The following GALNT9 variants were observed in gnomAD, a reference collection of about 807,000 sequenced individuals.
The protein encoded by GALNT9 is polypeptide N-acetylgalactosaminyltransferase 9.
In GALNT9, 47 loss-of-function variants were observed where a neutral mutation model predicts 63.1. That is an observed-to-expected ratio of 0.75 (90% CI 0.59 to 0.95). GALNT9 has a LOEUF of 0.95. Ranked by LOEUF, GALNT9 falls within the 40% of genes least tolerant of loss-of-function variation. GALNT9 has a pLI of 0.00. For synonymous variants in GALNT9, 396 were observed against 365.7 expected (o/e 1.08, Z -0.94); for missense variants, 829 against 874.8 (o/e 0.95, Z 0.66).
intron 2 of GALNT9, among the ~76,000 whole-genome samples, chr12:132,266,808 G>A (rs1879615920): frequency 6.6e-6 from 1 of 152,230 alleles, no homozygotes; most frequent in Non-Finnish European, 1.5e-5. Flanking sequence ...CCAGCACAGC[G>A]TTGGCTGCTC....
intron 1 of GALNT9, among the ~76,000 whole-genome samples, chr12:132,291,785 C>G (rs562379277): frequency 9.8e-5 from 15 of 152,366 alleles, no homozygotes; most frequent in Admixed American, 4.6e-4. Context: ...TTTCCTCCCC[C>G]CTGCTTCCCC....
chr12:132,201,954 G>A (rs1419037392), intron 7 of GALNT9, among the ~76,000 whole-genome samples: 1 of 152,178 alleles, frequency 6.6e-6, no homozygotes, highest in Non-Finnish European at 1.5e-5. Context: ...CCCTGAGGGA[G>A]CACCTGCACC....
chr12:132,240,603 C>A (rs140122185), intron 6 of GALNT9: 5 of 455,216 alleles, frequency 1.1e-5, no homozygotes, highest in Admixed American at 2.4e-5. Flanking sequence ...GGGCTCCGTG[C>A]GTGGCCCCGG....
intron 6 of GALNT9, chr12:132,240,838 TAC>T (rs1253278148): frequency 4.0e-5 from 16 of 398,740 alleles, no homozygotes; most frequent in African/African-American, 3.0e-4. Flanking sequence ...CTATACCCAT[TAC>T]ACACACACCA....
intron 1 of GALNT9, among the ~76,000 whole-genome samples, chr12:132,295,896 CG>C (rs1566016610): frequency 2.4e-4 from 29 of 118,640 alleles, no homozygotes; most frequent in African/African-American, 9.8e-4. Context: ...GGAGAGCCTC[CG>C]AACAGGGAGA....
chr12:132,253,572 A>G (rs1385129726), intron 5 of GALNT9, among the ~76,000 whole-genome samples: 3 of 152,302 alleles, frequency 2.0e-5, no homozygotes, highest in Non-Finnish European at 4.4e-5. Flanking sequence ...AATGATTAAT[A>G]ATGTTTATAA....
rs1391524224 is a variant in GALNT9, at chr12:132,236,261, C to A, written c.1077+11649G>T. ...AATCAGCAATGACAGCCCCGACAGG[C>A]GGCTGGCGGGGAGCGGGTGGGGGCC... On this transcript the variant is annotated intron_variant, in intron 6 of 10. Coordinates refer to ENST00000328957, the MANE Select transcript of GALNT9 (RefSeq NM_001122636.2). The surrounding 1 kb of genome is among the most constrained non-coding windows in gnomAD (Gnocchi z 5.6). Among the ~76,000 whole-genome samples, 1 of 151,976 alleles carries A rather than the reference C, an allele frequency of 6.6e-6. No individual in the cohort carries two copies. The highest frequency in any genetic ancestry group is 6.5e-5 in the Admixed American group (1 of 15,280).
chr12:132,203,049 G>A lies in GALNT9; in HGVS notation c.1263+456C>T, dbSNP rs75289579. On this transcript the variant is annotated intron_variant, in intron 7 of 10. Coordinates refer to ENST00000328957, the MANE Select transcript of GALNT9 (RefSeq NM_001122636.2). ...GTGGGGGTGACCTGGAAAAGGTGGCGCTGAGGACGGGAAGCCACACAGCGT... is the reference window on the plus strand; with the variant it reads ...GTGGGGGTGACCTGGAAAAGGTGGCACTGAGGACGGGAAGCCACACAGCGT... Among the ~76,000 whole-genome samples the A allele has an allele frequency of 1.2e-4, 18 of 152,216 alleles. No individual in the cohort carries two copies. The East Asian group carries it at 2.5e-3, about 21-fold the overall frequency.
At chr12:132,261,445 G>T (rs1008828428) in intron 3 of GALNT9, among the ~76,000 whole-genome samples, 5 of 152,232 alleles carry the variant, frequency 3.3e-5, no homozygotes, top group South Asian at 2.1e-4. Flanking sequence ...ATGCATGGAT[G>T]GGTGGACACA....
chr12:132,239,199 C>CAGAG (rs55901393), intron 6 of GALNT9, among the ~76,000 whole-genome samples: 9 of 148,916 alleles, frequency 6.0e-5, no homozygotes, highest in African/African-American at 2.0e-4. Flanking sequence ...GGGGGACAGG[C>CAGAG]AGAGAGAGAG....
Position 132,262,550 on chromosome 12 carries a change from C to T in GALNT9, c.495G>A (p.Ser165=), listed in dbSNP as rs372597873. Reference sequence around the variant, plus strand: ...CGCTGTGCACGGAGCGCAGGATGACCGACAGCGCCTCATTGACGAAGATGA... The same window carrying T: ...CGCTGTGCACGGAGCGCAGGATGACTGACAGCGCCTCATTGACGAAGATGA... ...VVFIFVNEAL[S]VILRSVHSVV... Residue 165 remains serine (S), a synonymous_variant, in exon 3 of 11, where the codon TCG becomes TCA. Transcript: ENST00000328957. The T allele has an allele frequency of 2.3e-5, 35 of 1,551,348 alleles. No homozygotes were observed. Among genetic ancestry groups the T allele is most frequent in the South Asian group, 3.6e-5 (3 of 84,066 alleles).
At chr12:132,224,662 T>TG (rs1877576177) in intron 6 of GALNT9, among the ~76,000 whole-genome samples, 1 of 65,258 alleles carries the variant, frequency 1.5e-5, no homozygotes, top group Non-Finnish European at 2.8e-5. Flanking sequence ...CACCCCACAC[T>TG]GTACCTATAC....
chr12:132,251,906 C>T (rs1390638160), intron 5 of GALNT9, among the ~76,000 whole-genome samples: 1 of 152,170 alleles, frequency 6.6e-6, no homozygotes, highest in Non-Finnish European at 1.5e-5. Flanking sequence ...TCCGAAGTCA[C>T]ACTTGAACCA....
At chr12:132,253,698 G>T (rs28560170) in intron 5 of GALNT9, among the ~76,000 whole-genome samples, 7,573 of 152,088 alleles carry the variant, frequency 0.05, 602 homozygotes, top group African/African-American at 0.17. Flanking sequence ...TCTTGCCTCG[G>T]CACCTAGGTA....
In GALNT9 at chr12:132,245,934, G is replaced by A. The variant is rs982980400; in HGVS notation, c.1077+1976C>T. 6.6e-6 allele frequency among the ~76,000 whole-genome samples: 1 copy of A among 152,158 alleles called. No homozygotes were observed. The highest frequency in any genetic ancestry group is 1.5e-5 in the Non-Finnish European group (1 of 68,020). ...CACCCCAGGGGTCCCGTCCTCCCTC[G>A]CTCTTCGGCCTCGGTGGTGGCTGCG... On this transcript the variant is annotated intron_variant, in intron 6 of 10. Coordinates refer to ENST00000328957, the MANE Select transcript of GALNT9 (RefSeq NM_001122636.2). The surrounding 1 kb of genome is among the most constrained non-coding windows in gnomAD (Gnocchi z 6.3).
Position 132,245,044 on chromosome 12 carries a change from C to T in GALNT9, c.1077+2866G>A, listed in dbSNP as rs1278786735. 6.6e-6 allele frequency among the ~76,000 whole-genome samples: 1 copy of T among 151,906 alleles called. No individual in the cohort carries two copies. The highest frequency in any genetic ancestry group is 1.5e-5 in the Non-Finnish European group (1 of 67,924). ...GGGAGGTCAGGGAGTGGAGTAAACG[C>T]TGGGCGCGGCCACAGCTGTGCCTTG... On this transcript the variant is annotated intron_variant, in intron 6 of 10. Transcript: ENST00000328957. The surrounding 1 kb of genome is among the most constrained non-coding windows in gnomAD (Gnocchi z 6.3).
At chr12:132,203,428 C>G in intron 7 of GALNT9, 77 bp downstream of exon 7, 27 of 1,438,464 alleles carry the variant, frequency 1.9e-5, no homozygotes, top group Non-Finnish European at 2.5e-5. Context: ...AGGGGGCCTC[C>G]CTCCGGCCCA....
chr12:132,300,103 T>C (rs1186111167), intron 1 of GALNT9, among the ~76,000 whole-genome samples: 1 of 124,820 alleles, frequency 8.0e-6, no homozygotes, highest in Non-Finnish European at 1.6e-5. Flanking sequence ...CTCACTCCCA[T>C]GATAACTAAC....
At position 132,196,934 on chromosome 12, in the gene GALNT9, C is replaced by T; in HGVS notation, c.*173G>A. ...CCTAGGAGAAGCTGTACTCCAGATG[C>T]AGTGGGTGACACCCTGGTCACTCAG... On this transcript the variant is annotated 3_prime_UTR_variant, in exon 11 of 11. Transcript: ENST00000328957. 3 of 1,445,746 alleles carry T rather than the reference C, an allele frequency of 2.1e-6. No homozygotes were observed. The highest frequency in any genetic ancestry group is 2.7e-5 in the Admixed American group (1 of 37,638). The allele number at this position is 1,445,746 out of a possible 1,614,324, so 89.6% of individuals were successfully genotyped here.
Sources: gnomAD v4.1 joint callset for allele counts (sites outside exome capture counted in the v4.1 genomes callset) on GRCh38, gnomAD v4.1.1 for gene constraint, Gnocchi (gnomAD v3.1) non-coding constraint, MANE v1.5 for transcripts, NCBI Gene and HGNC (gene_info 2026-07-23, HGNC 2026-07-21) for gene names.